Variants in GNAQ observed in about 807,000 individuals in gnomAD.
The protein encoded by GNAQ is guanine nucleotide-binding protein G(q) subunit alpha.
A neutral mutation model predicts 43.9 loss-of-function variants in GNAQ; 8 were observed. The observed-to-expected ratio is 0.18, with a 90% CI of 0.11 to 0.33. The LOEUF (loss-of-function observed/expected upper bound fraction) is 0.33, where lower values mean the gene tolerates loss of function less well. GNAQ is among the 10% of genes least tolerant of loss of function. The pLI, the probability that GNAQ is intolerant of heterozygous loss-of-function variation, is 1.00. For missense variants in GNAQ, 158 were observed against 450.8 expected (o/e 0.35, Z 5.88); for synonymous variants, 155 against 170.7 (o/e 0.91, Z 0.71).
chr9:77,878,526 A>G (rs1233262209), intron 2 of GNAQ, among the ~76,000 whole-genome samples: 1 of 152,086 alleles, frequency 6.6e-6, no homozygotes, highest in African/African-American at 2.4e-5. Context: ...ATGCCAATGC[A>G]CTTCCTGGGC....
chr9:77,788,102 A>G (rs1303670267), intron 5 of GNAQ, among the ~76,000 whole-genome samples: 1 of 152,150 alleles, frequency 6.6e-6, no homozygotes, highest in Non-Finnish European at 1.5e-5. Flanking sequence ...GAAAACGACA[A>G]ACCATGTAGT....
chr9:77,923,495 A>G (rs1564153080), intron 1 of GNAQ, among the ~76,000 whole-genome samples: 1 of 152,180 alleles, frequency 6.6e-6, no homozygotes. Context: ...AAATGACAGC[A>G]TATTTCTCCT....
intron 5 of GNAQ, among the ~76,000 whole-genome samples, chr9:77,784,276 A>G (rs1826441012): frequency 6.6e-6 from 1 of 152,164 alleles, no homozygotes; most frequent in Non-Finnish European, 1.5e-5. Context: ...TACAATTTAT[A>G]TTTTACATGT....
intron 2 of GNAQ, among the ~76,000 whole-genome samples, chr9:77,908,640 C>A (rs1564148168): frequency 6.6e-6 from 1 of 152,204 alleles, no homozygotes; most frequent in Non-Finnish European, 1.5e-5. Context: ...TCCGACAAGG[C>A]ATAGCATGGA....
At chr9:77,791,190 A>G (rs369585846) in intron 5 of GNAQ, among the ~76,000 whole-genome samples, 1 of 152,194 alleles carries the variant, frequency 6.6e-6, no homozygotes, top group African/African-American at 2.4e-5. Flanking sequence ...AGTCTTTGAG[A>G]TTCTATAAAG....
chr9:77,952,687 C>A (rs557777652), intron 1 of GNAQ, among the ~76,000 whole-genome samples: 1 of 152,280 alleles, frequency 6.6e-6, no homozygotes, highest in South Asian at 2.1e-4. Context: ...TAGCATCTTC[C>A]AAATTCAGTT....
At chr9:77,942,013 T>TG (rs1352535976) in intron 1 of GNAQ, among the ~76,000 whole-genome samples, 2 of 152,040 alleles carry the variant, frequency 1.3e-5, no homozygotes, top group Admixed American at 6.6e-5. Flanking sequence ...TGATTATCTC[T>TG]GGGTGGTAGG....
chr9:77,779,935 G>A (rs963584878), intron 5 of GNAQ, among the ~76,000 whole-genome samples: 1 of 151,836 alleles, frequency 6.6e-6, no homozygotes, highest in African/African-American at 2.4e-5. Flanking sequence ...TAACCTTCCC[G>A]AACAGTAAAC....
At chr9:78,023,697 T>C (rs1192752978) in intron 1 of GNAQ, among the ~76,000 whole-genome samples, 1 of 151,832 alleles carries the variant, frequency 6.6e-6, no homozygotes, top group African/African-American at 2.4e-5. Flanking sequence ...AACAAAAAAA[T>C]TCTATTTCTA....
At chr9:77,848,835 G>A (rs1279793947) in intron 2 of GNAQ, among the ~76,000 whole-genome samples, 2 of 151,968 alleles carry the variant, frequency 1.3e-5, no homozygotes, top group African/African-American at 4.8e-5. Context: ...TGGGGAAAAA[G>A]GAAAAGGAAA....
At chr9:77,914,914 G>A (rs1281649931) in intron 2 of GNAQ, among the ~76,000 whole-genome samples, 1 of 151,386 alleles carries the variant, frequency 6.6e-6, no homozygotes, top group East Asian at 1.9e-4. Context: ...ATCTCTATTG[G>A]GCTGGAGACC....
chr9:78,026,573 T>C (rs1461254492), intron 1 of GNAQ, among the ~76,000 whole-genome samples: 1 of 152,194 alleles, frequency 6.6e-6, no homozygotes, highest in African/African-American at 2.4e-5. Context: ...GCTGCTGTTA[T>C]TGAGGTTACT....
chr9:77,881,625 C>G (rs927908617), intron 2 of GNAQ, among the ~76,000 whole-genome samples: 4 of 152,132 alleles, frequency 2.6e-5, no homozygotes, highest in Non-Finnish European at 2.9e-5. Context: ...TTCAATCTGT[C>G]CCTCAACCTT....
At chr9:77,991,571 C>A (rs561030483) in intron 1 of GNAQ, among the ~76,000 whole-genome samples, 2 of 152,094 alleles carry the variant, frequency 1.3e-5, no homozygotes, top group Non-Finnish European at 2.9e-5. Flanking sequence ...TCTTAAAAAT[C>A]TTTTTTTAAT....
intron 5 of GNAQ, among the ~76,000 whole-genome samples, chr9:77,782,543 G>T (rs1295634831): frequency 6.6e-6 from 1 of 152,136 alleles, no homozygotes; most frequent in Non-Finnish European, 1.5e-5. Context: ...TTCATCACTG[G>T]TGGGAATGAA....
intron 1 of GNAQ, among the ~76,000 whole-genome samples, chr9:77,979,899 T>TTTA (rs1823348672): frequency 2.0e-5 from 3 of 152,144 alleles, no homozygotes; most frequent in Admixed American, 2.0e-4. Flanking sequence ...AGACAAACAA[T>TTTA]AAAAAACACA....
intron 1 of GNAQ, among the ~76,000 whole-genome samples, chr9:78,026,305 C>T (rs1247995256): frequency 6.6e-6 from 1 of 152,068 alleles, no homozygotes; most frequent in Non-Finnish European, 1.5e-5. Flanking sequence ...TAGTTCAATG[C>T]AAAAAACTTA....
At chr9:77,954,073 C>T (rs1823013821) in intron 1 of GNAQ, among the ~76,000 whole-genome samples, 1 of 152,168 alleles carries the variant, frequency 6.6e-6, no homozygotes, top group South Asian at 2.1e-4. Flanking sequence ...AACATGAAAA[C>T]TGTTTCATTT....
intron 1 of GNAQ, among the ~76,000 whole-genome samples, chr9:77,995,548 T>C (rs1441911251): frequency 6.6e-6 from 1 of 152,170 alleles, no homozygotes; most frequent in Non-Finnish European, 1.5e-5. Context: ...TTGAGTGCAG[T>C]GGTGGGATCA....
Sources: gnomAD v4.1 joint callset for allele counts (sites outside exome capture counted in the v4.1 genomes callset) on GRCh38, gnomAD v4.1.1 for gene constraint, MANE v1.5 for transcripts, NCBI Gene and HGNC (gene_info 2026-07-23, HGNC 2026-07-21) for gene names.